The following KIRREL3 variants were observed in gnomAD, a reference collection of about 807,000 sequenced individuals.
KIRREL3 encodes the protein kin of IRRE-like protein 3.
Under a neutral mutation model 89.7 loss-of-function variants are expected in KIRREL3, and 36 were observed. The observed-to-expected ratio is 0.40, with a 90% CI of 0.31 to 0.53. The LOEUF (loss-of-function observed/expected upper bound fraction) is 0.53, where lower values mean the gene tolerates loss of function less well. Among genes scored for constraint, KIRREL3 ranks in the 20% least tolerant of loss-of-function variants. The pLI is 0.49. For synonymous variants in KIRREL3, 445 were observed against 441.4 expected, an observed-to-expected ratio of 1.01 and a Z score of -0.10; for missense variants, 864 against 1,056.6, an observed-to-expected ratio of 0.82 and a Z score of 2.53.
Position 126,752,259 on chromosome 11 carries a change from T to C in KIRREL3, c.56-189347A>G, listed in dbSNP as rs1227824020. On this transcript the variant is annotated intron_variant, in intron 1 of 16. Coordinates refer to ENST00000525144, the MANE Select transcript of KIRREL3 (RefSeq NM_032531.4). This position sits in a 1 kb window ranked among gnomAD's most constrained non-coding sequence, Gnocchi z 4.8. ...TCCCATTATTCTCTTAAACCAATAG[T>C]TGTCTATGGGTCTTGGGTTTTGAAA... 6.6e-6 allele frequency among the ~76,000 whole-genome samples: 1 copy of C among 152,154 alleles called. No homozygotes were observed. Among genetic ancestry groups the C allele is most frequent in the Non-Finnish European group, 1.5e-5 (1 of 68,030 alleles).
At chr11:126,982,540 A>G (rs543916457) in intron 1 of KIRREL3, among the ~76,000 whole-genome samples, 1 of 152,324 alleles carries the variant, frequency 6.6e-6, no homozygotes, top group East Asian at 1.9e-4. Context: ...ATCTAATGTT[A>G]TAATCGTATC....
At chr11:126,577,831 T>C (rs554833504) in intron 1 of KIRREL3, among the ~76,000 whole-genome samples, 10 of 152,052 alleles carry the variant, frequency 6.6e-5, no homozygotes, top group Admixed American at 2.6e-4. Context: ...TCAGAGAGAA[T>C]AGCTGAGTGA....
intron 1 of KIRREL3, among the ~76,000 whole-genome samples, chr11:126,586,307 C>T (rs1941851463): frequency 6.6e-6 from 1 of 152,090 alleles, no homozygotes. Flanking sequence ...TGCCGTTTCC[C>T]TGGTTTAAAT....
chr11:126,783,802 A>G lies in KIRREL3; in HGVS notation c.55+216653T>C, dbSNP rs1015878810. On this transcript the variant is annotated intron_variant, in intron 1 of 16. Transcript: ENST00000525144. This position sits in a 1 kb window ranked among gnomAD's most constrained non-coding sequence, Gnocchi z 4.3. ...GGCTGCACATAGTGACTTCCTTCTAAAGAATACAGTGTGAAAGTGAGAGAA... is the reference window on the plus strand; with the variant it reads ...GGCTGCACATAGTGACTTCCTTCTAGAGAATACAGTGTGAAAGTGAGAGAA... 3.3e-5 allele frequency among the ~76,000 whole-genome samples: 5 copies of G among 152,212 alleles called. No individual in the cohort carries two copies. Among genetic ancestry groups the G allele is most frequent in the African/African-American group, 1.2e-4 (5 of 41,452 alleles).
intron 1 of KIRREL3, among the ~76,000 whole-genome samples, chr11:126,834,411 A>G (rs1052889738): frequency 1.3e-5 from 2 of 152,224 alleles, no homozygotes; most frequent in Non-Finnish European, 2.9e-5. Context: ...AGCCTGACTC[A>G]CAGATAAAAT....
At position 126,435,263 on chromosome 11, in the gene KIRREL3, C is replaced by T. The variant is rs1198264884; in HGVS notation, c.1588+5G>A. 14 of 1,613,640 alleles carry T rather than the reference C, an allele frequency of 8.7e-6. No homozygotes were observed. The highest frequency in any genetic ancestry group is 2.2e-5 in the East Asian group (1 of 44,862). ...CAGGGCCATTCTCATCATCTCCTTC[C>T]GTACCTGCTTCCAGCCCGGCTCCCG... On this transcript the variant is annotated splice_donor_5th_base_variant and intron_variant, in intron 13 of 16. Transcript: ENST00000525144.
intron 1 of KIRREL3, among the ~76,000 whole-genome samples, chr11:126,699,021 C>A (rs1360284666): frequency 1.3e-5 from 2 of 152,216 alleles, no homozygotes; most frequent in African/African-American, 2.4e-5. Context: ...CAGCTCTTCT[C>A]CCTTTCCTTT....
Position 126,544,574 on chromosome 11 carries a change from G to A in KIRREL3, c.134-17887C>T, listed in dbSNP as rs1435893272. 6.6e-6 allele frequency among the ~76,000 whole-genome samples: 1 copy of A among 152,142 alleles called. No homozygotes were observed. The highest frequency in any genetic ancestry group is 2.4e-5 in the African/African-American group (1 of 41,430). On this transcript the variant is annotated intron_variant, in intron 2 of 16. Coordinates refer to ENST00000525144, the MANE Select transcript of KIRREL3 (RefSeq NM_032531.4). This position sits in a 1 kb window ranked among gnomAD's most constrained non-coding sequence, Gnocchi z 5.6. The stretch of plus-strand genomic sequence containing the variant: ...GGCTATGGAAGGGACTTTCCATAGA[G>A]GGTCTTTGGCTGAGAGTCTGCAGCA...
chr11:126,646,734 C>T (rs1944702378), intron 1 of KIRREL3, among the ~76,000 whole-genome samples: 1 of 152,094 alleles, frequency 6.6e-6, no homozygotes, highest in Non-Finnish European at 1.5e-5. Flanking sequence ...CTTGGGCTCC[C>T]AAAGTGCTGG....
rs1306000982 is a variant in KIRREL3, at chr11:126,449,173, G to A, written c.849-16C>T. On this transcript the variant is annotated splice_polypyrimidine_tract_variant and intron_variant, in intron 7 of 16. Coordinates refer to ENST00000525144, the MANE Select transcript of KIRREL3 (RefSeq NM_032531.4). Reference sequence around the variant, plus strand: ...CTTGGCCCACCTGCAACAAAGGCCAGGGGCTGATGTGGGCCTTGAGTGGCA... The same window carrying A: ...CTTGGCCCACCTGCAACAAAGGCCAAGGGCTGATGTGGGCCTTGAGTGGCA... 1.2e-6 allele frequency: 2 copies of A among 1,613,186 alleles called. No individual in the cohort carries two copies. The highest frequency in any genetic ancestry group is 1.7e-5 in the Admixed American group (1 of 60,012).
intron 1 of KIRREL3, among the ~76,000 whole-genome samples, chr11:126,923,361 CTCCTTCTCCTTCT>C (rs1480100811): frequency 6.7e-5 from 4 of 59,352 alleles, no homozygotes; most frequent in Non-Finnish European, 1.3e-4. Flanking sequence ...CCTTCTCCTT[CTCCTTCTCCTTCT>C]TCCTTCTTCT....
Position 126,550,289 on chromosome 11 carries a change from A to T in KIRREL3, c.133+12546T>A, listed in dbSNP as rs1330951321. 6.6e-6 allele frequency: 1 copy of T among 152,176 alleles called. No individual in the cohort carries two copies. The highest frequency in any genetic ancestry group is 2.4e-5 in the African/African-American group (1 of 41,420). 9.4% of individuals were successfully genotyped at this position (152,176 alleles called of 1,614,324 possible). On this transcript the variant is annotated intron_variant, in intron 2 of 16. Coordinates refer to ENST00000525144, the MANE Select transcript of KIRREL3 (RefSeq NM_032531.4). The surrounding 1 kb of genome is among the most constrained non-coding windows in gnomAD (Gnocchi z 4.9). ...CTTCTGGCCTGGAGAATCTGTAATG[A>T]TAGGGGTCTAAGCCTGCCCTGACTA...
chr11:126,872,849 G>C lies in KIRREL3; in HGVS notation c.55+127606C>G, dbSNP rs1396257470. On this transcript the variant is annotated intron_variant, in intron 1 of 16. Transcript: ENST00000525144. This position sits in a 1 kb window ranked among gnomAD's most constrained non-coding sequence, Gnocchi z 4.2. ...CAACTGGGGTTTGAAAGGTAGCCCA[G>C]CTCTGGGAGCAGGCCTCCTGGGCAT... 1.3e-5 allele frequency among the ~76,000 whole-genome samples: 2 copies of C among 152,200 alleles called. No individual in the cohort carries two copies. The highest frequency in any genetic ancestry group is 4.8e-5 in the African/African-American group (2 of 41,448).
In KIRREL3 at chr11:126,694,112, C is replaced by T. The variant is rs889088463; in HGVS notation, c.56-131200G>A. On this transcript the variant is annotated intron_variant, in intron 1 of 16. Transcript: ENST00000525144. This position sits in a 1 kb window ranked among gnomAD's most constrained non-coding sequence, Gnocchi z 4.4. The stretch of plus-strand genomic sequence containing the variant: ...GGCAAGTTGCAGCAGGAGATGGGAG[C>T]ATGGGCTCCATCCCTAAGGGAGCCA... Among the ~76,000 whole-genome samples the T allele has an allele frequency of 2.0e-5, 3 of 152,250 alleles. No individual in the cohort carries two copies. Among genetic ancestry groups the T allele is most frequent in the African/African-American group, 7.2e-5 (3 of 41,468 alleles).
chr11:126,432,024 G>A lies in KIRREL3; in HGVS notation c.1589-498C>T, dbSNP rs1171519494. Among the ~76,000 whole-genome samples, 1 of 152,112 alleles carries A rather than the reference G, an allele frequency of 6.6e-6. No homozygotes were observed. The highest frequency in any genetic ancestry group is 2.4e-5 in the African/African-American group (1 of 41,420). ...CTCGGGTGAATATAGAGGACATCCG[G>A]CTCTTAGTGTTTGCAGGTCTAAGTA... On this transcript the variant is annotated intron_variant, in intron 13 of 16. Coordinates refer to ENST00000525144, the MANE Select transcript of KIRREL3 (RefSeq NM_032531.4). This position sits in a 1 kb window ranked among gnomAD's most constrained non-coding sequence, Gnocchi z 6.2.
intron 1 of KIRREL3, among the ~76,000 whole-genome samples, chr11:126,567,450 G>T (rs1220609817): frequency 6.6e-6 from 1 of 152,198 alleles, no homozygotes; most frequent in Non-Finnish European, 1.5e-5. Context: ...CATTTCTGTT[G>T]TTTAAGCCCC....
At position 126,778,703 on chromosome 11, in the gene KIRREL3, C is replaced by T. The variant is rs1469267904; in HGVS notation, c.56-215791G>A. On this transcript the variant is annotated intron_variant, in intron 1 of 16. Transcript: ENST00000525144. The surrounding 1 kb of genome is among the most constrained non-coding windows in gnomAD (Gnocchi z 4.5). ...TCTCCAGAAAGGTGGTACCAACATA[C>T]ATTCCCGCTAGTAATGTTCAGAGAG... Among the ~76,000 whole-genome samples the T allele has an allele frequency of 6.6e-6, 1 of 152,166 alleles. No homozygotes were observed. The highest frequency in any genetic ancestry group is 1.5e-5 in the Non-Finnish European group (1 of 68,032).
intron 1 of KIRREL3, among the ~76,000 whole-genome samples, chr11:126,975,905 T>TCCC (rs1949555262): frequency 5.1e-5 from 2 of 39,470 alleles, no homozygotes; most frequent in Admixed American, 3.6e-4. Flanking sequence ...CCTCCCTCCC[T>TCCC]TCCTCCCTCC....
At chr11:126,756,914 C>T (rs915008716) in intron 1 of KIRREL3, among the ~76,000 whole-genome samples, 1 of 152,230 alleles carries the variant, frequency 6.6e-6, no homozygotes, top group Non-Finnish European at 1.5e-5. Flanking sequence ...AAGGCACCAC[C>T]TGCACTCAAG....
Sources: gnomAD v4.1 joint callset for allele counts (sites outside exome capture counted in the v4.1 genomes callset) on GRCh38, gnomAD v4.1.1 for gene constraint, Gnocchi (gnomAD v3.1) non-coding constraint, MANE v1.5 for transcripts, NCBI Gene and HGNC (gene_info 2026-07-23, HGNC 2026-07-21) for gene names.